HIVEP3: variants seen among roughly 807,000 people sequenced by gnomAD.
The protein encoded by HIVEP3 is transcription factor HIVEP3.
HIVEP3 carries 49 observed loss-of-function variants against 152.8 expected under a neutral mutation model. The observed-to-expected ratio is 0.32, with a 90% CI of 0.26 to 0.41. HIVEP3 has a LOEUF of 0.41. HIVEP3 is among the 10% of genes least tolerant of loss of function. The pLI, the probability that HIVEP3 is intolerant of heterozygous loss-of-function variation, is 1.00. For synonymous variants in HIVEP3, 1,269 were observed against 1,289.0 expected, an observed-to-expected ratio of 0.98 and a Z score of 0.33; for missense variants, 2,790 against 3,103.3, an observed-to-expected ratio of 0.90 and a Z score of 2.40.
At chr1:41,777,168 A>G (rs1648755851) in intron 1 of HIVEP3, among the ~76,000 whole-genome samples, 1 of 152,204 alleles carries the variant, frequency 6.6e-6, no homozygotes, top group South Asian at 2.1e-4. Flanking sequence ...GGGCTCTCCC[A>G]GAGGCTCTCC....
chr1:41,654,873 C>T (rs912573787), intron 2 of HIVEP3, among the ~76,000 whole-genome samples: 1 of 152,078 alleles, frequency 6.6e-6, no homozygotes, highest in African/African-American at 2.4e-5. Flanking sequence ...CCATTCTGCC[C>T]CTCATTTCTG....
chr1:41,671,338 T>C (rs1645872451), intron 2 of HIVEP3, among the ~76,000 whole-genome samples: 1 of 152,218 alleles, frequency 6.6e-6, no homozygotes, highest in East Asian at 1.9e-4. Context: ...GTTAGCAGCC[T>C]AATTTTAGAC....
intron 3 of HIVEP3, among the ~76,000 whole-genome samples, chr1:41,598,628 A>G (rs1644701443): frequency 6.6e-6 from 1 of 152,202 alleles, no homozygotes; most frequent in African/African-American, 2.4e-5. Context: ...TCAGTCTGCA[A>G]GTACTACGTG....
At chr1:41,733,346 C>T (rs539695194) in intron 1 of HIVEP3, among the ~76,000 whole-genome samples, 1 of 152,232 alleles carries the variant, frequency 6.6e-6, no homozygotes, top group Non-Finnish European at 1.5e-5. Context: ...GTGGTAATTA[C>T]TGTGAAAAGC....
chr1:41,629,150 T>C (rs941297304), intron 2 of HIVEP3, among the ~76,000 whole-genome samples: 44 of 152,062 alleles, frequency 2.9e-4, no homozygotes, highest in Admixed American at 6.6e-5. Flanking sequence ...TTCACTAGTG[T>C]GGTAGGCAGA....
chr1:41,609,971 G>A (rs1644875575), intron 3 of HIVEP3, among the ~76,000 whole-genome samples: 1 of 152,228 alleles, frequency 6.6e-6, no homozygotes, highest in East Asian at 1.9e-4. Context: ...ATATGAGTGA[G>A]CCTCATCCAC....
chr1:42,002,790 C>A (rs1298027084), intron 1 of HIVEP3, among the ~76,000 whole-genome samples: 1 of 152,082 alleles, frequency 6.6e-6, no homozygotes, highest in East Asian at 1.9e-4. Context: ...CAGGTTCCCC[C>A]TCCCACCCTG....
chr1:41,638,121 A>G (rs1334755068), intron 2 of HIVEP3, among the ~76,000 whole-genome samples: 1 of 152,132 alleles, frequency 6.6e-6, no homozygotes, highest in East Asian at 1.9e-4. Context: ...TATTTGGGTG[A>G]CGGTTGTACT....
chr1:41,710,496 C>T (rs2124147499), intron 1 of HIVEP3, among the ~76,000 whole-genome samples: 1 of 152,244 alleles, frequency 6.6e-6, no homozygotes, highest in African/African-American at 2.4e-5. Context: ...AACTCTAAGC[C>T]CTCAGTGAGG....
At chr1:41,623,778 C>T (rs1645078577) in intron 3 of HIVEP3, among the ~76,000 whole-genome samples, 1 of 152,214 alleles carries the variant, frequency 6.6e-6, no homozygotes, top group Non-Finnish European at 1.5e-5. Flanking sequence ...TCCAGGCCCT[C>T]CTCCTCCTGT....
intron 1 of HIVEP3, among the ~76,000 whole-genome samples, chr1:42,031,453 T>C (rs1570903952): frequency 6.6e-6 from 1 of 152,224 alleles, no homozygotes; most frequent in East Asian, 1.9e-4. Flanking sequence ...ACAGTGGAGT[T>C]TTCCAACTTC....
At chr1:41,534,720 A>T (rs1481487969) in intron 5 of HIVEP3, among the ~76,000 whole-genome samples, 2 of 152,182 alleles carry the variant, frequency 1.3e-5, no homozygotes, top group Non-Finnish European at 1.5e-5. Flanking sequence ...GGGGCCTGTG[A>T]TCCTCAGATT....
At chr1:41,747,103 G>A (rs2124216525) in intron 1 of HIVEP3, among the ~76,000 whole-genome samples, 1 of 152,322 alleles carries the variant, frequency 6.6e-6, no homozygotes, top group South Asian at 2.1e-4. Flanking sequence ...AGCAGGATAG[G>A]AATTCAGGCC....
intron 1 of HIVEP3, among the ~76,000 whole-genome samples, chr1:41,833,950 C>T (rs1211099686): frequency 6.6e-6 from 1 of 152,298 alleles, no homozygotes; most frequent in Non-Finnish European, 1.5e-5. Flanking sequence ...GTGACCCAGA[C>T]TTGACCACCT....
chr1:41,696,066 C>T (rs894094980), intron 2 of HIVEP3, among the ~76,000 whole-genome samples: 8 of 152,162 alleles, frequency 5.3e-5, no homozygotes, highest in Non-Finnish European at 7.4e-5. Context: ...TACACAGGGC[C>T]GTCTTCAGGA....
intron 1 of HIVEP3, among the ~76,000 whole-genome samples, chr1:41,800,471 G>A (rs377406748): frequency 2.0e-4 from 30 of 152,360 alleles, no homozygotes; most frequent in East Asian, 1.2e-3. Context: ...CAGGCCCCTC[G>A]ATGTGAGGGA....
intron 1 of HIVEP3, among the ~76,000 whole-genome samples, chr1:41,729,377 C>G (rs1020364337): frequency 2.6e-5 from 4 of 152,358 alleles, no homozygotes; most frequent in Admixed American, 6.5e-5. Flanking sequence ...ATCTGCAAAA[C>G]TGGCAAGAAA....
At chr1:41,730,105 G>A (rs1277817272) in intron 1 of HIVEP3, among the ~76,000 whole-genome samples, 1 of 152,230 alleles carries the variant, frequency 6.6e-6, no homozygotes, top group Non-Finnish European at 1.5e-5. Context: ...CTTCCTGTGG[G>A]AATTCGCCCC....
At chr1:42,003,588 A>T (rs568454706) in intron 1 of HIVEP3, among the ~76,000 whole-genome samples, 1 of 151,774 alleles carries the variant, frequency 6.6e-6, no homozygotes, top group Non-Finnish European at 1.5e-5. Flanking sequence ...TCCCCCAGGC[A>T]CTCCTTCCTG....
Sources: gnomAD v4.1 joint callset for allele counts (sites outside exome capture counted in the v4.1 genomes callset) on GRCh38, gnomAD v4.1.1 for gene constraint, MANE v1.5 for transcripts, NCBI Gene and HGNC (gene_info 2026-07-23, HGNC 2026-07-21) for gene names.